Variants in GPR89A observed in about 807,000 individuals in gnomAD.
GPR89A encodes the protein golgi pH regulator A, also known as G protein-coupled receptor 89A.
Under a neutral mutation model 52.0 loss-of-function variants are expected in GPR89A, and 16 were observed. That is an observed-to-expected ratio of 0.31 (90% CI 0.21 to 0.47). GPR89A has a LOEUF of 0.47. Among genes scored for constraint, GPR89A ranks in the 20% least tolerant of loss-of-function variants. The pLI is 1.00. For missense variants in GPR89A, 135 were observed against 449.4 expected, an observed-to-expected ratio of 0.30 and a Z score of 6.33; for synonymous variants, 55 against 150.9, an observed-to-expected ratio of 0.36 and a Z score of 4.66.
In GPR89A at chr1:145,655,478, G is replaced by T. The variant is rs1215521843; in HGVS notation, c.910-7851G>T. The stretch of plus-strand genomic sequence containing the variant: ...TTGAGGCTGCTGACCTTTGGATGGG[G>T]TTTTTGTGGGGTCTTTTTTTGTTGA... On this transcript the variant is annotated intron_variant, in intron 10 of 13. Coordinates refer to ENST00000313835, the MANE Select transcript of GPR89A (RefSeq NM_001097612.2). Among the ~76,000 whole-genome samples, 4 of 152,108 alleles carry T rather than the reference G, an allele frequency of 2.6e-5. No homozygotes were observed. In the East Asian group the frequency reaches 7.8e-4, roughly 30 times the overall value.
At chr1:145,627,098 G>A (rs56226837) in intron 5 of GPR89A, among the ~76,000 whole-genome samples, 5,545 of 151,740 alleles carry the variant, frequency 0.037, 313 homozygotes, top group African/African-American at 0.13. Context: ...TAAGGAATCT[G>A]TGTGAGCAGG....
At chr1:145,626,980 TA>T (rs1181464588) in intron 5 of GPR89A, among the ~76,000 whole-genome samples, 1 of 150,940 alleles carries the variant, frequency 6.6e-6, no homozygotes, top group African/African-American at 2.4e-5. Flanking sequence ...GACCAATCCT[TA>T]TGTAAAATGA....
At chr1:145,620,963 A>G (rs1293482610) in intron 3 of GPR89A, among the ~76,000 whole-genome samples, 3 of 152,214 alleles carry the variant, frequency 2.0e-5, no homozygotes, top group African/African-American at 4.8e-5. Context: ...GCTTAGCTGA[A>G]ATACTATGTA....
chr1:145,617,576 A>G (rs1553687281), intron 2 of GPR89A, among the ~76,000 whole-genome samples: 2 of 152,190 alleles, frequency 1.3e-5, no homozygotes, highest in African/African-American at 4.8e-5. Flanking sequence ...ATTTATGTTC[A>G]GAGATTGCAG....
At chr1:145,635,250 C>G (rs1553690535) in intron 7 of GPR89A, among the ~76,000 whole-genome samples, 1 of 152,026 alleles carries the variant, frequency 6.6e-6, no homozygotes, top group East Asian at 1.9e-4. Flanking sequence ...ACTAAAGATA[C>G]AAAAAAGTAG....
chr1:145,635,472 A>G (rs1371589084), intron 7 of GPR89A, among the ~76,000 whole-genome samples: 1 of 152,134 alleles, frequency 6.6e-6, no homozygotes, highest in Non-Finnish European at 1.5e-5. Flanking sequence ...CTATTTCTGC[A>G]TGTCTTTACT....
chr1:145,616,221 C>G lies in GPR89A; in HGVS notation c.43-13C>G. On this transcript the variant is annotated splice_polypyrimidine_tract_variant and intron_variant, in intron 1 of 13. Transcript: ENST00000313835. The stretch of plus-strand genomic sequence containing the variant: ...AAAATATGTATTGACATTCTATTTT[C>G]TTTCTCCTCCAGATACTATTTTTTG... The G allele has an allele frequency of 6.2e-7, 1 of 1,607,230 alleles. No individual in the cohort carries two copies. Among genetic ancestry groups the G allele is most frequent in the Non-Finnish European group, 8.5e-7 (1 of 1,175,306 alleles).
intron 8 of GPR89A, chr1:145,645,424 C>T (rs71257617): frequency 4.2e-5 from 15 of 360,562 alleles, no homozygotes; most frequent in East Asian, 2.9e-4. Context: ...GCCAATAATA[C>T]GGGTTTGAGC....
chr1:145,654,119 C>T (rs1408850868), intron 10 of GPR89A, among the ~76,000 whole-genome samples: 2 of 152,064 alleles, frequency 1.3e-5, no homozygotes, highest in South Asian at 2.1e-4. Context: ...CCTTTCCATA[C>T]TTAGTGCTTC....
chr1:145,662,630 G>T (rs1553695758), intron 10 of GPR89A, among the ~76,000 whole-genome samples: 1 of 151,996 alleles, frequency 6.6e-6, no homozygotes, highest in Admixed American at 6.6e-5. Flanking sequence ...CCTGCCTTTG[G>T]AAATAAAGTT....
intron 7 of GPR89A, among the ~76,000 whole-genome samples, chr1:145,638,967 A>G (rs1311031067): frequency 6.7e-6 from 1 of 149,364 alleles, no homozygotes; most frequent in Non-Finnish European, 1.5e-5. Context: ...TTGAAAATCC[A>G]ATTTTTTTAA....
At chr1:145,632,422 C>A (rs1267449139) in intron 7 of GPR89A, among the ~76,000 whole-genome samples, 1 of 152,048 alleles carries the variant, frequency 6.6e-6, no homozygotes, top group African/African-American at 2.4e-5. Context: ...CATCCAGCCT[C>A]TGGTAACCAT....
chr1:145,646,290 T>C lies in GPR89A; in HGVS notation c.816+18T>C, dbSNP rs782377309. On this transcript the variant is annotated intron_variant, in intron 9 of 13. Coordinates refer to ENST00000313835, the MANE Select transcript of GPR89A (RefSeq NM_001097612.2). ...CTACCAAGGTACAGAGCAAGGAAACTGAAGTGTGGTTTTTACCAATATTAT... is the reference window on the plus strand; with the variant it reads ...CTACCAAGGTACAGAGCAAGGAAACCGAAGTGTGGTTTTTACCAATATTAT... The C allele has an allele frequency of 1.6e-5, 26 of 1,578,060 alleles. No homozygotes were observed. Among genetic ancestry groups the C allele is most frequent in the Middle Eastern group, 1.7e-4 (1 of 5,918 alleles).
intron 5 of GPR89A, among the ~76,000 whole-genome samples, chr1:145,629,518 A>G (rs1273220023): frequency 6.6e-6 from 1 of 152,194 alleles, no homozygotes; most frequent in Admixed American, 6.5e-5. Context: ...GGATTAGTCA[A>G]TAGTGTGAGA....
At chr1:145,654,230 T>C (rs587702677) in intron 10 of GPR89A, among the ~76,000 whole-genome samples, 2 of 152,250 alleles carry the variant, frequency 1.3e-5, no homozygotes, top group Admixed American at 6.5e-5. Context: ...TTTGGCCAGA[T>C]AGGAAATTCT....
intron 5 of GPR89A, among the ~76,000 whole-genome samples, chr1:145,624,802 C>T (rs1553688769): frequency 1.4e-5 from 2 of 138,802 alleles, no homozygotes; most frequent in Non-Finnish European, 3.1e-5. Flanking sequence ...GCTGTTTGAG[C>T]TCCTAAGTGC....
At chr1:145,626,907 C>T (rs1176080920) in intron 5 of GPR89A, among the ~76,000 whole-genome samples, 3 of 130,190 alleles carry the variant, frequency 2.3e-5, no homozygotes, top group Non-Finnish European at 4.8e-5. Flanking sequence ...GAGCCGAGAT[C>T]GTGCCACTCC....
chr1:145,648,478 G>A (rs1651196617), intron 10 of GPR89A, among the ~76,000 whole-genome samples: 1 of 90,884 alleles, frequency 1.1e-5, no homozygotes, highest in African/African-American at 4.4e-5. Flanking sequence ...AGCCTTTAGG[G>A]AAGCATGTCT....
At chr1:145,655,425 T>C (rs1651746801) in intron 10 of GPR89A, among the ~76,000 whole-genome samples, 1 of 151,728 alleles carries the variant, frequency 6.6e-6, no homozygotes, top group African/African-American at 2.4e-5. Flanking sequence ...TTCTTTCTCA[T>C]CATCCTCAGT....
Sources: allele counts gnomAD v4.1 joint callset (sites outside exome capture counted in the v4.1 genomes callset), GRCh38; gene constraint gnomAD v4.1.1; transcripts MANE v1.5; gene names NCBI Gene and HGNC (gene_info 2026-07-23, HGNC 2026-07-21).